The following PMEPA1 variants were observed in gnomAD, a reference collection of about 807,000 sequenced individuals.
PMEPA1 encodes protein TMEPAI.
Under a neutral mutation model 23.0 loss-of-function variants are expected in PMEPA1, and 11 were observed. The ratio of observed to expected loss-of-function variants is 0.48; its 90% CI spans 0.30 to 0.79. The LOEUF is 0.79. PMEPA1 is among the 30% of genes least tolerant of loss of function. The pLI is 0.06. For missense variants in PMEPA1, 377 were observed against 390.9 expected, an observed-to-expected ratio of 0.96 and a Z score of 0.30; for synonymous variants, 204 against 166.4, an observed-to-expected ratio of 1.23 and a Z score of -1.74.
At chr20:57,693,977 G>A (rs923847257) in intron 1 of PMEPA1, among the ~76,000 whole-genome samples, 6 of 152,142 alleles carry the variant, frequency 3.9e-5, no homozygotes, top group African/African-American at 9.7e-5. Context: ...TTTCTCTGCC[G>A]GTGAGGATGG....
intron 1 of PMEPA1, among the ~76,000 whole-genome samples, chr20:57,688,389 C>A (rs1040497465): frequency 2.2e-4 from 33 of 152,028 alleles, no homozygotes; most frequent in African/African-American, 6.5e-4. Flanking sequence ...TGTTGAGTTG[C>A]ATCCCTGGCC....
Position 57,656,170 on chromosome 20 carries a change from G to A in PMEPA1, c.265-3084C>T, listed in dbSNP as rs181602524. On this transcript the variant is annotated intron_variant, in intron 2 of 3. Transcript: ENST00000341744. This position sits in a 1 kb window ranked among gnomAD's most constrained non-coding sequence, Gnocchi z 4.7. ...ATAAAGAGATGTTCCTAAAAAATTC[G>A]GTACCTCCCATGTCCTCAGGAGATA... Among the ~76,000 whole-genome samples the A allele has an allele frequency of 2.7e-5, 4 of 150,796 alleles. No homozygotes were observed. The highest frequency in any genetic ancestry group is 6.6e-5 in the Admixed American group (1 of 15,244).
chr20:57,695,793 G>C (rs1480893682), intron 1 of PMEPA1, among the ~76,000 whole-genome samples: 1 of 152,122 alleles, frequency 6.6e-6, no homozygotes. Context: ...GCAGCTTAGC[G>C]GGCTTAACTC....
chr20:57,686,694 G>A lies in PMEPA1; in HGVS notation c.109+22780C>T, dbSNP rs902838704. Among the ~76,000 whole-genome samples, 4 of 152,362 alleles carry A rather than the reference G, an allele frequency of 2.6e-5. No individual in the cohort carries two copies. In the South Asian group the frequency reaches 8.3e-4, roughly 32 times the overall value. On this transcript the variant is annotated intron_variant, in intron 1 of 3. Coordinates refer to ENST00000341744, the MANE Select transcript of PMEPA1 (RefSeq NM_020182.5). ...CTGGGCAGGCTCCTTCCCCCTCTCT[G>A]GGCCTCAAGGCCCTCACCTGTGAGA... is the stretch of plus-strand genomic sequence containing the variant.
At chr20:57,680,219 G>A (rs1292791994) in intron 1 of PMEPA1, among the ~76,000 whole-genome samples, 2 of 152,254 alleles carry the variant, frequency 1.3e-5, no homozygotes, top group African/African-American at 4.8e-5. Context: ...AGCTTTAAGT[G>A]CATTATATCA....
chr20:57,652,112 G>C lies in PMEPA1; in HGVS notation c.805C>G (p.Leu269Val). 6.3e-7 allele frequency: 1 copy of C among 1,580,010 alleles called. No homozygotes were observed. Among genetic ancestry groups the C allele is most frequent in the Non-Finnish European group, 8.6e-7 (1 of 1,161,626 alleles). The stretch of plus-strand genomic sequence containing the variant: ...TTGCTCCAGATGGCTGCGCTCTCTA[G>C]GGGCGCGATGTGTGTGTGGTGGAGC... ...TRLHHTHIAP[L>V]ESAAIWSKEK... is the part of the protein sequence containing the mutation. The change falls in exon 4 of 4, where the codon CTA (leucine) becomes GTA (valine). Residue 269 changes from leucine to valine, a missense_variant. Physicochemically the swap from Leu to Val is conservative, Grantham distance 32. Transcript: ENST00000341744. This position sits in a 1 kb window ranked among gnomAD's most constrained non-coding sequence, Gnocchi z 6.1.
At chr20:57,659,082 A>G (rs73302927) in intron 2 of PMEPA1, among the ~76,000 whole-genome samples, 6,676 of 152,218 alleles carry the variant, frequency 0.044, 351 homozygotes, top group African/African-American at 0.13. Context: ...TTGTGAGCCC[A>G]GCCCTGCCTC....
intron 1 of PMEPA1, among the ~76,000 whole-genome samples, chr20:57,666,616 G>T (rs908044866): frequency 6.6e-6 from 1 of 152,228 alleles, no homozygotes; most frequent in Non-Finnish European, 1.5e-5. Context: ...GAATGTGACT[G>T]ATCTTGGGGT....
At chr20:57,678,069 A>T (rs1359641011) in intron 1 of PMEPA1, among the ~76,000 whole-genome samples, 2 of 152,230 alleles carry the variant, frequency 1.3e-5, no homozygotes, top group African/African-American at 4.8e-5. Flanking sequence ...AAAAGGGTAG[A>T]ATGAGATGTT....
At chr20:57,680,097 G>A (rs570579371) in intron 1 of PMEPA1, among the ~76,000 whole-genome samples, 1 of 152,356 alleles carries the variant, frequency 6.6e-6, no homozygotes, top group Admixed American at 6.5e-5. Context: ...GCAAGCCCCA[G>A]GGAACCGTCG....
At chr20:57,693,031 A>G (rs2071902649) in intron 1 of PMEPA1, among the ~76,000 whole-genome samples, 1 of 152,232 alleles carries the variant, frequency 6.6e-6, no homozygotes. Flanking sequence ...AAACTCAGCC[A>G]AGTCCCGAAG....
intron 1 of PMEPA1, among the ~76,000 whole-genome samples, chr20:57,687,843 G>A (rs2071821287): frequency 6.6e-6 from 1 of 152,084 alleles, no homozygotes; most frequent in Admixed American, 6.5e-5. Flanking sequence ...ACCCAAGCTT[G>A]CCCAAACTCA....
At position 57,709,631 on chromosome 20, in the gene PMEPA1, G is replaced by A. The variant is rs1355168000; in HGVS notation, c.-49C>T. 1.0e-6 allele frequency: 1 copy of A among 957,066 alleles called. No individual in the cohort carries two copies. The highest frequency in any genetic ancestry group is 1.8e-5 in the African/African-American group (1 of 54,952). The allele number at this position is 957,066 out of a possible 1,614,324, so 59.3% of individuals were successfully genotyped here. A position where few individuals can be genotyped will look rare whatever the true frequency, so the allele number is the denominator to read the frequency against. On this transcript the variant is annotated 5_prime_UTR_variant, in exon 1 of 4. Transcript: ENST00000341744. ...GGGCGCGGGGGGCTCGGGGGCGGCC[G>A]GGGGGGGCTCCGGCCGGCGCCCGGA...
At chr20:57,673,675 TG>T (rs1217208643) in intron 1 of PMEPA1, among the ~76,000 whole-genome samples, 1 of 151,888 alleles carries the variant, frequency 6.6e-6, no homozygotes, top group African/African-American at 2.4e-5. Flanking sequence ...AGGAAAAGAG[TG>T]TCCCATCATG....
chr20:57,696,176 G>C (rs1039874847), intron 1 of PMEPA1, among the ~76,000 whole-genome samples: 13 of 152,166 alleles, frequency 8.5e-5, no homozygotes, highest in Non-Finnish European at 1.5e-5. Context: ...GAGGAGGAAG[G>C]AGCAGAGGCC....
chr20:57,693,085 G>A (rs968316042), intron 1 of PMEPA1, among the ~76,000 whole-genome samples: 3 of 152,216 alleles, frequency 2.0e-5, no homozygotes, highest in African/African-American at 4.8e-5. Context: ...AGCAGGCCGG[G>A]AGTGGCCGCC....
chr20:57,657,659 G>T (rs1314035589), intron 2 of PMEPA1, among the ~76,000 whole-genome samples: 1 of 152,200 alleles, frequency 6.6e-6, no homozygotes, highest in Non-Finnish European at 1.5e-5. Context: ...GATGCTCCTT[G>T]CCCTGGCAAC....
intron 1 of PMEPA1, among the ~76,000 whole-genome samples, chr20:57,694,057 C>T (rs1283764807): frequency 6.6e-6 from 1 of 152,238 alleles, no homozygotes; most frequent in African/African-American, 2.4e-5. Context: ...GACCACAGAA[C>T]TCCATCTCCC....
chr20:57,701,778 G>GTA, intron 1 of PMEPA1, among the ~76,000 whole-genome samples: 1 of 152,262 alleles, frequency 6.6e-6, no homozygotes, highest in East Asian at 1.9e-4. Context: ...TTCAAAGCCT[G>GTA]TATCTTGACC....
Sources: gnomAD v4.1 joint callset for allele counts (sites outside exome capture counted in the v4.1 genomes callset) on GRCh38, gnomAD v4.1.1 for gene constraint, Gnocchi (gnomAD v3.1) non-coding constraint, MANE v1.5 for transcripts, NCBI Gene and HGNC (gene_info 2026-07-23, HGNC 2026-07-21) for gene names.